Variants in LMO7 observed in about 807,000 individuals in gnomAD.
LMO7 encodes LIM domain 7.
Under a neutral mutation model 206.5 loss-of-function variants are expected in LMO7, and 120 were observed. That is an observed-to-expected ratio of 0.58 (90% CI 0.50 to 0.68). The LOEUF is 0.68. Among genes scored for constraint, LMO7 ranks in the 30% least tolerant of loss-of-function variants. The pLI is 0.00. For synonymous variants in LMO7, 706 were observed against 681.5 expected (o/e 1.04, Z -0.56); for missense variants, 1,959 against 1,957.9 (o/e 1.00, Z -0.01).
chr13:75,714,769 T>A (rs1566341762), intron 2 of LMO7, among the ~76,000 whole-genome samples: 2 of 152,148 alleles, frequency 1.3e-5, no homozygotes, highest in Non-Finnish European at 2.9e-5. Context: ...TATCTTAATT[T>A]GAAAACAGTA....
At chr13:75,720,932 T>A (rs563594039) in intron 2 of LMO7, among the ~76,000 whole-genome samples, 1 of 152,330 alleles carries the variant, frequency 6.6e-6, no homozygotes, top group East Asian at 1.9e-4. Flanking sequence ...GCTTTTAGAC[T>A]TTTAAATTAT....
intron 4 of LMO7, among the ~76,000 whole-genome samples, chr13:75,794,689 C>G (rs1473838126): frequency 6.6e-6 from 1 of 152,138 alleles, no homozygotes; most frequent in Non-Finnish European, 1.5e-5. Flanking sequence ...GATGACCCAT[C>G]CCTTTGTGAA....
At chr13:75,797,820 G>A (rs1034046554) in intron 6 of LMO7, among the ~76,000 whole-genome samples, 4 of 152,136 alleles carry the variant, frequency 2.6e-5, no homozygotes, top group Admixed American at 6.5e-5. Context: ...AGTCAATAAC[G>A]CTGTATTCAA....
intron 20 of LMO7, 151 bp from the exon 21 acceptor site, chr13:75,839,934 A>G: frequency 1.5e-6 from 1 of 647,022 alleles, no homozygotes; most frequent in South Asian, 2.3e-5. Flanking sequence ...TGGAGAAAAA[A>G]GGATTTACTG....
rs141430080 is a variant in LMO7, at chr13:75,717,737, A to G, written c.140+4485A>G. Among the ~76,000 whole-genome samples, 176 of 152,280 alleles carry G rather than the reference A, an allele frequency of 1.2e-3. 1 individual carries two copies. Among genetic ancestry groups the G allele is most frequent in the Non-Finnish European group, 2.4e-3 (161 of 68,012 alleles). ...TGGAGTTGGAGATCTCCACCCACACATGGAGTGCCGGTGACATGGGTAGGC... is the reference window on the plus strand; with the variant it reads ...TGGAGTTGGAGATCTCCACCCACACGTGGAGTGCCGGTGACATGGGTAGGC... On this transcript the variant is annotated intron_variant, in intron 2 of 30. Coordinates refer to ENST00000377534, the MANE Select transcript of LMO7 (RefSeq NM_001306080.2).
intron 1 of LMO7, among the ~76,000 whole-genome samples, chr13:75,643,282 T>C (rs1196308770): frequency 2.6e-5 from 4 of 152,352 alleles, no homozygotes; most frequent in South Asian, 4.1e-4. Context: ...ATTTGAGTTA[T>C]AGAAACACAC....
rs771806951 is a variant in LMO7, at chr13:75,761,010, C to G, written c.289C>G (p.Gln97Glu). 7.5e-6 allele frequency: 12 copies of G among 1,607,558 alleles called. No individual in the cohort carries two copies. The highest frequency in any genetic ancestry group is 1.0e-5 in the Non-Finnish European group (12 of 1,175,224). ...EAQLFHPGDL[Q>E]DLSNRVTVKQ... The stretch of plus-strand genomic sequence containing the variant: ...CCAGCTTTTCCATCCTGGAGATCTA[C>G]AGGATTTATCAAATCGAGTCACTGT... The change falls in exon 4 of 31, where the codon CAG becomes GAG. Residue 97 changes from glutamine (Q) to glutamate (E), a missense_variant. Physicochemically the swap from Gln to Glu is conservative, Grantham distance 29 (BLOSUM62 2). Coordinates refer to ENST00000377534, the MANE Select transcript of LMO7 (RefSeq NM_001306080.2).
chr13:75,826,213 G>T (rs900395976), intron 15 of LMO7, among the ~76,000 whole-genome samples: 18 of 151,630 alleles, frequency 1.2e-4, no homozygotes, highest in African/African-American at 3.6e-4. Context: ...GCTAATTTTC[G>T]TATTTTTTTG....
Position 75,842,906 on chromosome 13 carries a change from C to T in LMO7, c.4087C>T (p.Pro1363Ser). The change falls in exon 25 of 31, where the codon CCT (proline) becomes TCT (serine). Residue 1363 changes from proline to serine, a missense_variant. Coordinates refer to ENST00000377534, the MANE Select transcript of LMO7 (RefSeq NM_001306080.2). ...KTEEASSGFLPGDRNKSRSTT... is the reference protein window; with the variant it reads ...KTEEASSGFLSGDRNKSRSTT... ...AGAAGAAGCATCTTCAGGTTTTCTTCCTGGTGACAGGTATGTAGAGCATGT... is the reference window on the plus strand; with the variant it reads ...AGAAGAAGCATCTTCAGGTTTTCTTTCTGGTGACAGGTATGTAGAGCATGT... The T allele has an allele frequency of 6.3e-7, 1 of 1,595,938 alleles. No individual in the cohort carries two copies. The highest frequency in any genetic ancestry group is 8.6e-7 in the Non-Finnish European group (1 of 1,163,998).
chr13:75,724,242 G>A (rs973192131), intron 2 of LMO7, among the ~76,000 whole-genome samples: 1 of 152,150 alleles, frequency 6.6e-6, no homozygotes, highest in Non-Finnish European at 1.5e-5. Flanking sequence ...ATTACTAGGT[G>A]CTTCCTTCTG....
intron 1 of LMO7, among the ~76,000 whole-genome samples, chr13:75,650,093 G>A (rs2037410760): frequency 6.6e-6 from 1 of 152,056 alleles, no homozygotes; most frequent in East Asian, 1.9e-4. Flanking sequence ...AAAGTGCTGG[G>A]GTTACAGGCA....
intron 4 of LMO7, among the ~76,000 whole-genome samples, chr13:75,791,326 A>G (rs1015147917): frequency 1.3e-5 from 2 of 152,190 alleles, no homozygotes; most frequent in African/African-American, 4.8e-5. Context: ...AAGAAGTATA[A>G]TTATGAGTAT....
At chr13:75,721,781 G>A (rs2044040951) in intron 2 of LMO7, among the ~76,000 whole-genome samples, 1 of 152,176 alleles carries the variant, frequency 6.6e-6, no homozygotes, top group Non-Finnish European at 1.5e-5. Flanking sequence ...ATAAACATGG[G>A]TGTGCAAGTA....
intron 4 of LMO7, among the ~76,000 whole-genome samples, chr13:75,766,577 C>CCTGTAAATTCACAGGAGATGGCT (rs1195298500): frequency 1.3e-5 from 2 of 151,940 alleles, no homozygotes; most frequent in African/African-American, 4.8e-5. Flanking sequence ...GGGAGATGGC[C>CCTGTAAATTCACAGGAGATGGCT]CTGTAAATTT....
At chr13:75,630,284 T>C (rs2034741220) in intron 2 of LMO7, among the ~76,000 whole-genome samples, 1 of 152,252 alleles carries the variant, frequency 6.6e-6, no homozygotes, top group African/African-American at 2.4e-5. Flanking sequence ...TATTTTTGTA[T>C]CATACAGATT....
intron 1 of LMO7, among the ~76,000 whole-genome samples, chr13:75,652,989 C>T (rs1218779792): frequency 1.3e-5 from 2 of 152,136 alleles, no homozygotes; most frequent in African/African-American, 4.8e-5. Flanking sequence ...TAAACTTAGT[C>T]TTTCTAGAAG....
chr13:75,709,441 A>G lies in LMO7; in HGVS notation c.70-3741A>G, dbSNP rs879487790. On this transcript the variant is annotated intron_variant, in intron 1 of 30. Transcript: ENST00000377534. ...AGTGTAAAAGTGTTCCTATTTCTCC[A>G]TATCCTCTCCAGCACCTGTTGTTTC... Among the ~76,000 whole-genome samples the G allele has an allele frequency of 2.2e-3, 336 of 151,790 alleles. 3 individuals carry two copies. The highest frequency in any genetic ancestry group is 3.6e-3 in the Non-Finnish European group (242 of 67,992).
At position 75,855,381 on chromosome 13, in the gene LMO7, C is replaced by T; in HGVS notation, c.4770+13C>T. On this transcript the variant is annotated intron_variant, in intron 29 of 30. Transcript: ENST00000377534. ...GCATTGTTTTAAGGTGAGACTGAGACAAACAGCTTGCAGGCCTGCAAAGCT... is the reference window on the plus strand; with the variant it reads ...GCATTGTTTTAAGGTGAGACTGAGATAAACAGCTTGCAGGCCTGCAAAGCT... 1 of 1,561,028 alleles carries T rather than the reference C, an allele frequency of 6.4e-7. No individual in the cohort carries two copies. The highest frequency in any genetic ancestry group is 8.8e-7 in the Non-Finnish European group (1 of 1,132,754).
chr13:75,755,336 T>A (rs2047595942), intron 3 of LMO7, among the ~76,000 whole-genome samples: 1 of 152,150 alleles, frequency 6.6e-6, no homozygotes, highest in African/African-American at 2.4e-5. Context: ...CTGAAAGAAA[T>A]CTCTTGTTGT....
Sources: allele counts gnomAD v4.1 joint callset (sites outside exome capture counted in the v4.1 genomes callset), GRCh38; gene constraint gnomAD v4.1.1; transcripts MANE v1.5; gene names NCBI Gene and HGNC (gene_info 2026-07-23, HGNC 2026-07-21).